MACF1: variants seen among roughly 807,000 people sequenced by gnomAD.
MACF1 encodes microtubule-actin cross-linking factor 1.
Under a neutral mutation model 854.8 loss-of-function variants are expected in MACF1, and 193 were observed. The ratio of observed to expected loss-of-function variants is 0.23; its 90% confidence interval spans 0.20 to 0.25. MACF1 has a LOEUF of 0.25. Among genes scored for constraint, MACF1 ranks in the 10% least tolerant of loss-of-function variants. The probability of loss-of-function intolerance (pLI) is 1.00; values close to 1 mark genes in which losing one functional copy is unlikely to be tolerated. For synonymous variants in MACF1, 3,185 were observed against 3,226.7 expected (o/e 0.99, Z 0.44); for missense variants, 7,722 against 8,929.1 (o/e 0.86, Z 5.45).
chr1:39,147,129 C>T (rs933391011), intron 2 of MACF1, among the ~76,000 whole-genome samples: 4 of 149,020 alleles, frequency 2.7e-5, no homozygotes, highest in Admixed American at 6.7e-5. Context: ...TCTTCTTTTC[C>T]CTTTCCTTTC....
At chr1:39,129,895 C>T (rs1642954268) in intron 2 of MACF1, among the ~76,000 whole-genome samples, 1 of 152,204 alleles carries the variant, frequency 6.6e-6, no homozygotes, top group Non-Finnish European at 1.5e-5. Flanking sequence ...CTCCTCCTCC[C>T]CTCCCCCAAA....
chr1:39,427,313 A>T (rs559239322), intron 61 of MACF1, 142 bp from the exon 62 acceptor site: 43 of 623,810 alleles, frequency 6.9e-5, no homozygotes, highest in South Asian at 4.8e-4. Flanking sequence ...TAAAACATCG[A>T]AATGCTACAT....
rs763439946 is a variant in MACF1, at chr1:39,285,732, C to T, written c.1482C>T (p.Tyr494=). The change falls in exon 14 of 101, where the codon TAC becomes TAT. Residue 494 remains tyrosine (Y), a synonymous_variant. Coordinates refer to ENST00000564288, the MANE Select transcript of MACF1 (RefSeq NM_001394062.1). ...TCCAGATCCTGCGGGATGAGAATTA[C>T]TACCAGCTAGAAGAGCTGGCTTTTA... ...VDLQILRDEN[Y]YQLEELAFRV... is the part of the protein sequence containing the mutation. 3.6e-5 allele frequency: 58 copies of T among 1,614,052 alleles called. No homozygotes were observed. Among genetic ancestry groups the T allele is most frequent in the Non-Finnish European group, 4.8e-5 (57 of 1,180,038 alleles).
At chr1:39,312,879 C>T (rs1484526523) in intron 26 of MACF1, among the ~76,000 whole-genome samples, 1 of 152,102 alleles carries the variant, frequency 6.6e-6, no homozygotes, top group East Asian at 1.9e-4. Context: ...TCCAAGCTCA[C>T]GCCTCATTAA....
chr1:39,210,798 T>C (rs2148275897), intron 1 of MACF1, among the ~76,000 whole-genome samples: 1 of 152,322 alleles, frequency 6.6e-6, no homozygotes, highest in East Asian at 1.9e-4. Flanking sequence ...CCTATGTTTT[T>C]ATCCTAGTTC....
chr1:39,369,075 C>T (rs1015348490), intron 50 of MACF1, among the ~76,000 whole-genome samples: 2 of 140,658 alleles, frequency 1.4e-5, no homozygotes, highest in African/African-American at 5.4e-5. Flanking sequence ...CTGGCCTCAT[C>T]GATCCTACTG....
chr1:39,167,018 A>G (rs1459300009), intron 2 of MACF1, among the ~76,000 whole-genome samples: 2 of 151,064 alleles, frequency 1.3e-5, no homozygotes, highest in African/African-American at 4.9e-5. Flanking sequence ...CTGCAGTGCA[A>G]TGGCACAATC....
chr1:39,096,460 C>T (rs1369008868), intron 2 of MACF1, among the ~76,000 whole-genome samples: 1 of 151,964 alleles, frequency 6.6e-6, no homozygotes, highest in East Asian at 1.9e-4. Flanking sequence ...TGCAGTGGCT[C>T]ATGCCTGTAA....
intron 2 of MACF1, among the ~76,000 whole-genome samples, chr1:39,127,874 T>A (rs940998497): frequency 6.6e-6 from 1 of 152,212 alleles, no homozygotes; most frequent in Non-Finnish European, 1.5e-5. Context: ...TCCTAGTGAT[T>A]AAGAGGAAAA....
At chr1:39,144,998 A>G (rs1025494037) in intron 2 of MACF1, among the ~76,000 whole-genome samples, 3 of 152,068 alleles carry the variant, frequency 2.0e-5, no homozygotes, top group Non-Finnish European at 2.9e-5. Context: ...CCTATCATGT[A>G]CAATAGGGCT....
intron 36 of MACF1, among the ~76,000 whole-genome samples, chr1:39,330,316 A>G (rs1262851937): frequency 6.6e-6 from 1 of 152,180 alleles, no homozygotes; most frequent in Non-Finnish European, 1.5e-5. Flanking sequence ...CACTTGCTAA[A>G]TAGTTGCTTG....
At chr1:39,100,914 G>T (rs1642056053) in intron 2 of MACF1, among the ~76,000 whole-genome samples, 1 of 125,438 alleles carries the variant, frequency 8.0e-6, no homozygotes, top group South Asian at 2.3e-4. Flanking sequence ...ATGCACGCGC[G>T]CGTGTGTGTG....
rs140225707 is a variant in MACF1 at position 39,331,667 on chromosome 1, T to C, written c.5079T>C (p.Leu1693=). 1.5e-5 allele frequency: 25 copies of C among 1,614,184 alleles called. No homozygotes were observed. The African/African-American group carries it at 2.7e-4, about 17-fold the overall frequency. Residue 1693 remains leucine (L), a synonymous_variant, in exon 37 of 101, where the codon CTT becomes CTC. Transcript: ENST00000564288. ...TTCATTCAGTATTAGAGTCTTATCT[T>C]AGAACATCCAAGAATTTGATAGACC... ...AWLHSVLESY[L]RTSKNLIDPN...
In MACF1 at chr1:39,439,361, T is replaced by C. The variant is rs776049703; in HGVS notation, c.18308T>C (p.Val6103Ala). ...GAACGAGAAATCAAATTTCTTGATG[T>C]CCTTGAATTAGCAGAGAAGTTCTGG... ...AEEREIKFLD[V>A]LELAEKFWYD... The change falls in exon 72 of 101, where the codon GTC (valine) becomes GCC (alanine). Residue 6103 changes from valine (V) to alanine (A), a missense_variant. Val to Ala is a moderately conservative substitution (Grantham distance 64). Around this residue, in one of 15 missense-constraint regions of MACF1, gnomAD observed 2,807 missense variants for 3,235.8 expected, o/e 0.87. Transcript: ENST00000564288. 6.2e-7 allele frequency: 1 copy of C among 1,614,116 alleles called. No individual in the cohort carries two copies. Among genetic ancestry groups the C allele is most frequent in the Non-Finnish European group, 8.5e-7 (1 of 1,179,996 alleles).
chr1:39,413,051 C>A, intron 58 of MACF1: 1 of 1,593,864 alleles, frequency 6.3e-7, no homozygotes, highest in East Asian at 2.3e-5. Context: ...GTGTCCTCCC[C>A]AGAGGAGACT....
chr1:39,235,819 C>G lies in MACF1; in HGVS notation c.171+4576C>G, dbSNP rs142440703. ...GTACAATCATAGCTCACTACAGCCT[C>G]CAACTCCCGGGCTCAAGTGATCCTC... On this transcript the variant is annotated intron_variant, in intron 2 of 100. Coordinates refer to ENST00000564288, the MANE Select transcript of MACF1 (RefSeq NM_001394062.1). 4.9e-3 allele frequency among the ~76,000 whole-genome samples: 747 copies of G among 152,308 alleles called. 4 individuals carry two copies. Among genetic ancestry groups the G allele is most frequent in the Non-Finnish European group, 8.8e-3 (598 of 68,026 alleles).
intron 58 of MACF1, chr1:39,411,453 C>T (rs1642999661): frequency 6.2e-7 from 1 of 1,613,814 alleles, no homozygotes; most frequent in Non-Finnish European, 8.5e-7. Context: ...AGATTTGTTG[C>T]CCTGATGACC....
rs148479786 is a variant in MACF1 at position 39,140,570 on chromosome 1, A to C, written c.220+56132A>C. On this transcript the variant is annotated intron_variant, in intron 2 of 93. Coordinates refer to the MACF1 transcript ENST00000361689. ...TGCCTAATAAACATTTATTGAATTT[A>C]ATTGTAAAATGGATCAAAGACCATA... Among the ~76,000 whole-genome samples, 38 of 152,352 alleles carry C rather than the reference A, an allele frequency of 2.5e-4. 1 individual carries two copies. Among genetic ancestry groups the C allele is most frequent in the Non-Finnish European group, 1.0e-4 (7 of 68,038 alleles).
In MACF1 at chr1:39,359,752, C is replaced by T. The variant is rs866319534; in HGVS notation, c.12244+488C>T. ...TTGGGAGGCCGAGGCGGGCAGATCA[C>T]GAGGTCAGGAGATCGAGACCATCCT... On this transcript the variant is annotated intron_variant, in intron 47 of 100. Coordinates refer to ENST00000564288, the MANE Select transcript of MACF1 (RefSeq NM_001394062.1). Among the ~76,000 whole-genome samples the T allele has an allele frequency of 4.0e-5, 6 of 151,196 alleles. No homozygotes were observed. The South Asian group carries it at 6.3e-4, about 16-fold the overall frequency.
Sources: allele counts gnomAD v4.1 joint callset (sites outside exome capture counted in the v4.1 genomes callset), GRCh38; gene constraint gnomAD v4.1.1; regional missense constraint gnomAD v4.1.1; transcripts MANE v1.5; gene names NCBI Gene and HGNC (gene_info 2026-07-23, HGNC 2026-07-21).